CEP128: variants seen among roughly 807,000 people sequenced by gnomAD.
CEP128 encodes centrosomal protein 128, also known as centrosomal protein 128kDa.
CEP128 carries 132 observed loss-of-function variants against 156.7 expected under a neutral mutation model. The ratio of observed to expected loss-of-function variants is 0.84; its 90% CI spans 0.73 to 0.97. The LOEUF is 0.97. Among genes scored for constraint, CEP128 ranks in the 50% least tolerant of loss-of-function variants. The pLI, the probability that CEP128 is intolerant of heterozygous loss-of-function variation, is 0.00. For missense variants in CEP128, 1,252 were observed against 1,281.9 expected (o/e 0.98, Z 0.36); for synonymous variants, 469 against 448.9 (o/e 1.04, Z -0.57).
intron 6 of CEP128, among the ~76,000 whole-genome samples, chr14:80,491,123 C>T (rs1053690854): frequency 1.3e-5 from 2 of 152,188 alleles, no homozygotes; most frequent in African/African-American, 2.4e-5. Flanking sequence ...GAATCTAATC[C>T]ATGAGTTTAC....
At position 80,497,445 on chromosome 14, in the gene CEP128, T is replaced by C. The variant is rs774043464; in HGVS notation, c.*34A>G. 1.5e-6 allele frequency: 2 copies of C among 1,357,930 alleles called. No individual in the cohort carries two copies. The highest frequency in any genetic ancestry group is 2.1e-6 in the Non-Finnish European group (2 of 952,310). The allele number at this position is 1,357,930 out of a possible 1,614,324, so 84.1% of individuals were successfully genotyped here. On this transcript the variant is annotated 3_prime_UTR_variant, in exon 25 of 25. Coordinates refer to ENST00000555265, the MANE Select transcript of CEP128 (RefSeq NM_152446.5). ...AATAGAGATGTTATTATTTGTAACA[T>C]ACTCATGTAAAATAACAAATTACAT...
chr14:80,505,566 T>C lies in CEP128; in HGVS notation c.3073-546A>G, dbSNP rs1406544248. ...ATAATTGGATGTTTTAAAATACATTTAGCTAGACTGCTTTCTAGATTATAT... is the reference window on the plus strand; with the variant it reads ...ATAATTGGATGTTTTAAAATACATTCAGCTAGACTGCTTTCTAGATTATAT... On this transcript the variant is annotated intron_variant, in intron 23 of 24. Coordinates refer to ENST00000555265, the MANE Select transcript of CEP128 (RefSeq NM_152446.5). Among the ~76,000 whole-genome samples, 7 of 152,340 alleles carry C rather than the reference T, an allele frequency of 4.6e-5. No homozygotes were observed. In the East Asian group the frequency reaches 1.2e-3, roughly 25 times the overall value.
At chr14:80,505,320 G>A (rs1318189752) in intron 23 of CEP128, among the ~76,000 whole-genome samples, 2 of 151,854 alleles carry the variant, frequency 1.3e-5, no homozygotes, top group Admixed American at 6.6e-5. Flanking sequence ...CATTTTTGAA[G>A]TCATTATTTA....
rs1883864347 is a variant in CEP128 at position 80,905,952 on chromosome 14, T to C, written c.361+3A>G. ...TGTTTTTCAGAACATTTGAAGTGTT[T>C]ACCTGACCCAGTGCCACCATCAAGG... On this transcript the variant is annotated splice_donor_region_variant and intron_variant, in intron 5 of 24. Coordinates refer to ENST00000555265, the MANE Select transcript of CEP128 (RefSeq NM_152446.5). 1 of 1,611,016 alleles carries C rather than the reference T, an allele frequency of 6.2e-7. No individual in the cohort carries two copies. Among genetic ancestry groups the C allele is most frequent in the Non-Finnish European group, 8.5e-7 (1 of 1,179,092 alleles).
At chr14:80,501,629 C>T (rs1222837828) in intron 24 of CEP128, among the ~76,000 whole-genome samples, 4 of 151,904 alleles carry the variant, frequency 2.6e-5, no homozygotes, top group Non-Finnish European at 5.9e-5. Context: ...CTCAGCCTCC[C>T]GGGTAGCTGG....
At chr14:80,501,638 G>C (rs1394929329) in intron 24 of CEP128, among the ~76,000 whole-genome samples, 2 of 151,856 alleles carry the variant, frequency 1.3e-5, no homozygotes, top group Non-Finnish European at 2.9e-5. Flanking sequence ...CCGGGTAGCT[G>C]GGACTACAGG....
At chr14:80,740,449 T>TACACAC (rs58752743) in intron 19 of CEP128, among the ~76,000 whole-genome samples, 1,616 of 146,174 alleles carry the variant, frequency 0.011, 28 homozygotes, top group African/African-American at 0.034. Flanking sequence ...TATATACACA[T>TACACAC]ACACACACAC....
At chr14:80,678,145 G>T (rs540855434) in intron 19 of CEP128, among the ~76,000 whole-genome samples, 19 of 151,168 alleles carry the variant, frequency 1.3e-4, no homozygotes, top group Non-Finnish European at 2.7e-4. Flanking sequence ...GTGAATTCCT[G>T]AAGGTAAGCT....
At chr14:80,494,867 G>A (rs1887439596), downstream of CEP128, among the ~76,000 whole-genome samples, 4 of 152,050 alleles carry the variant, frequency 2.6e-5, no homozygotes, top group Admixed American at 2.6e-4. Flanking sequence ...TGGGAAACTG[G>A]GTGCATAAAA....
chr14:80,522,385 A>T (rs996050390), intron 23 of CEP128, among the ~76,000 whole-genome samples: 26 of 152,238 alleles, frequency 1.7e-4, no homozygotes, highest in African/African-American at 6.3e-4. Flanking sequence ...ACATTGAACA[A>T]ATATGACAGG....
At chr14:80,622,737 T>G (rs1238930508) in intron 19 of CEP128, among the ~76,000 whole-genome samples, 5 of 150,568 alleles carry the variant, frequency 3.3e-5, no homozygotes, top group Admixed American at 6.6e-5. Context: ...ATCAGAGAAA[T>G]GCAAATCAAA....
At chr14:80,485,741 A>C (rs1022424225), downstream of CEP128, among the ~76,000 whole-genome samples, 1 of 152,206 alleles carries the variant, frequency 6.6e-6, no homozygotes, top group African/African-American at 2.4e-5. Context: ...AATTAAGGGA[A>C]ATAATGTTTT....
At chr14:80,808,941 G>A (rs1486286476) in intron 13 of CEP128, among the ~76,000 whole-genome samples, 4 of 152,118 alleles carry the variant, frequency 2.6e-5, no homozygotes, top group African/African-American at 7.2e-5. Flanking sequence ...ATCAATGTAA[G>A]AATGCAGGAA....
intron 13 of CEP128, among the ~76,000 whole-genome samples, chr14:80,818,415 T>C (rs1884985332): frequency 6.6e-6 from 1 of 152,248 alleles, no homozygotes; most frequent in Non-Finnish European, 1.5e-5. Flanking sequence ...CTGTTGCTAG[T>C]AGATTAGCCT....
intron 19 of CEP128, among the ~76,000 whole-genome samples, chr14:80,741,655 G>T (rs1223715996): frequency 1.3e-5 from 2 of 152,060 alleles, no homozygotes; most frequent in African/African-American, 2.4e-5. Context: ...CTCTGAGATG[G>T]CATTAATTCT....
chr14:80,819,479 A>T (rs1331281885), intron 13 of CEP128, among the ~76,000 whole-genome samples: 1 of 151,796 alleles, frequency 6.6e-6, no homozygotes, highest in Non-Finnish European at 1.5e-5. Context: ...ATCTCCTGAC[A>T]TTGTGATCCG....
intron 20 of CEP128, among the ~76,000 whole-genome samples, chr14:80,576,624 CGTGTGTGTGT>C (rs753148123): frequency 8.9e-6 from 1 of 112,740 alleles, no homozygotes; most frequent in South Asian, 3.2e-4. Flanking sequence ...ATTACTCCGG[CGTGTGTGTGT>C]GTGTGTGTGT....
chr14:80,809,477 T>C (rs1884381004), intron 13 of CEP128, among the ~76,000 whole-genome samples: 1 of 152,112 alleles, frequency 6.6e-6, no homozygotes, highest in Non-Finnish European at 1.5e-5. Context: ...TCTCAAGTCT[T>C]GAGAAATATT....
intron 23 of CEP128, among the ~76,000 whole-genome samples, chr14:80,522,114 C>T (rs768271423): frequency 3.3e-5 from 5 of 152,142 alleles, no homozygotes; most frequent in African/African-American, 7.2e-5. Flanking sequence ...TAAAAATCAA[C>T]GTAATAATCC....
Sources: allele counts gnomAD v4.1 joint callset (sites outside exome capture counted in the v4.1 genomes callset), GRCh38; gene constraint gnomAD v4.1.1; transcripts MANE v1.5; gene names NCBI Gene and HGNC (gene_info 2026-07-23, HGNC 2026-07-21).